Variants in TPCN1 observed in about 807,000 individuals in gnomAD.
TPCN1 encodes two pore channel protein 1.
In TPCN1, 52 loss-of-function variants were observed where a neutral mutation model predicts 108.8. The ratio of observed to expected loss-of-function variants is 0.48; its 90% CI spans 0.38 to 0.60. The LOEUF (loss-of-function observed/expected upper bound fraction) is 0.60. Among genes scored for constraint, TPCN1 ranks in the 20% least tolerant of loss-of-function variants. TPCN1 has a pLI of 0.00. For synonymous variants in TPCN1, 446 were observed against 433.7 expected (o/e 1.03, Z -0.35); for missense variants, 806 against 1,072.8 (o/e 0.75, Z 3.47).
rs778335040 is a variant in TPCN1, at chr12:113,273,341, CTCTT to C, written c.842+55_842+58del. On this transcript the variant is annotated intron_variant, in intron 9 of 27. Transcript: ENST00000335509. This position sits in a 1 kb window ranked among gnomAD's most constrained non-coding sequence, Gnocchi z 4.0. ...TGGTCCTCTGCTGCCGCCCTGGGGT[CTCTT>C]TCTCTTTTCTGCCAAGTATATTCCA... 14 of 1,574,706 alleles carry C rather than the reference CTCTT, an allele frequency of 8.9e-6. No individual in the cohort carries two copies. In the South Asian group the frequency reaches 1.3e-4, roughly 15 times the overall value.
chr12:113,223,341 G>T (rs76401993), intron 1 of TPCN1, among the ~76,000 whole-genome samples: 1 of 152,132 alleles, frequency 6.6e-6, no homozygotes, highest in Non-Finnish European at 1.5e-5. Flanking sequence ...AGGTCAGTTG[G>T]GAGGCAAAGT....
At position 113,251,985 on chromosome 12, in the gene TPCN1, C is replaced by T. The variant is rs150978301; in HGVS notation, c.113-8383C>T. The stretch of plus-strand genomic sequence containing the variant: ...ACCTCTTCAGTAGAGATGAGAGGGA[C>T]GAGACCTTTCCAGACCTGGTGAGTT... On this transcript the variant is annotated intron_variant, in intron 2 of 27. Coordinates refer to ENST00000335509, the MANE Select transcript of TPCN1 (RefSeq NM_017901.6). Among the ~76,000 whole-genome samples the T allele has an allele frequency of 3.3e-5, 5 of 152,198 alleles. No homozygotes were observed. In the East Asian group the frequency reaches 7.7e-4, roughly 24 times the overall value.
chr12:113,260,094 G>A (rs555524628), intron 2 of TPCN1, among the ~76,000 whole-genome samples: 1 of 152,228 alleles, frequency 6.6e-6, no homozygotes, highest in South Asian at 2.1e-4. Flanking sequence ...ATGTATTTAT[G>A]TTTTCTTGTT....
intron 2 of TPCN1, among the ~76,000 whole-genome samples, chr12:113,254,938 A>G (rs1191020169): frequency 6.6e-6 from 1 of 152,252 alleles, no homozygotes; most frequent in South Asian, 2.1e-4. Flanking sequence ...TCTAGCTTAC[A>G]TCATACTGAG....
chr12:113,260,202 G>A lies in TPCN1; in HGVS notation c.113-166G>A, dbSNP rs546658220. The A allele has an allele frequency of 2.6e-4, 174 of 670,078 alleles. 2 individuals carry two copies. The African/African-American group carries it at 3.1e-3, about 12-fold the overall frequency. The allele number at this position is 670,078 out of a possible 1,614,324, so 41.5% of individuals were successfully genotyped here. A position where few individuals can be genotyped will look rare whatever the true frequency, so the allele number is the denominator to read the frequency against. ...GAAAGGAAAACATTTGTAACCAGCT[G>A]TGCTAATTCTTGCCATTATCAGTAC... On this transcript the variant is annotated intron_variant, in intron 2 of 27. Coordinates refer to ENST00000335509, the MANE Select transcript of TPCN1 (RefSeq NM_017901.6).
intron 14 of TPCN1, among the ~76,000 whole-genome samples, chr12:113,279,273 G>A (rs1955780524): frequency 7.1e-6 from 1 of 140,242 alleles, no homozygotes; most frequent in South Asian, 2.2e-4. Flanking sequence ...TCTGTAATCT[G>A]CCTTTTCATC....
chr12:113,262,613 A>G (rs1955084119), intron 3 of TPCN1, among the ~76,000 whole-genome samples: 1 of 152,190 alleles, frequency 6.6e-6, no homozygotes, highest in Non-Finnish European at 1.5e-5. Context: ...TCTTATGCAC[A>G]TCACCTTCTC....
At position 113,268,696 on chromosome 12, in the gene TPCN1, G is replaced by A. The variant is rs762922876; in HGVS notation, c.529-46G>A. On this transcript the variant is annotated intron_variant, in intron 5 of 27. Coordinates refer to ENST00000335509, the MANE Select transcript of TPCN1 (RefSeq NM_017901.6). This position sits in a 1 kb window ranked among gnomAD's most constrained non-coding sequence, Gnocchi z 7.3. The stretch of plus-strand genomic sequence containing the variant: ...CCCCGTTCCAGGTATGCAGGATGAC[G>A]GCTGGGCTGCAGGGGCTGACGGTGC... 16 of 1,607,282 alleles carry A rather than the reference G, an allele frequency of 1.0e-5. No homozygotes were observed. The highest frequency in any genetic ancestry group is 2.0e-4 in the Middle Eastern group (1 of 4,890).
intron 2 of TPCN1, among the ~76,000 whole-genome samples, chr12:113,228,220 C>G (rs978506887): frequency 2.6e-4 from 39 of 152,230 alleles, no homozygotes; most frequent in African/African-American, 9.2e-4. Flanking sequence ...AACCCAGCAT[C>G]ATCTGACTCC....
At chr12:113,252,738 G>T (rs79699690) in intron 2 of TPCN1, among the ~76,000 whole-genome samples, 4,940 of 152,276 alleles carry the variant, frequency 0.032, 223 homozygotes, top group East Asian at 0.15. Context: ...GGCTTTTTCT[G>T]CTCAGGAGTC....
chr12:113,235,436 G>A (rs1286938747), intron 2 of TPCN1, among the ~76,000 whole-genome samples: 1 of 149,958 alleles, frequency 6.7e-6, no homozygotes, highest in Non-Finnish European at 1.5e-5. Context: ...TTTTATTGTT[G>A]TTAGCTTTGA....
Position 113,291,702 on chromosome 12 carries a change from C to T in TPCN1, c.2028+25C>T, listed in dbSNP as rs748020656. The T allele has an allele frequency of 7.5e-6, 12 of 1,610,538 alleles. No individual in the cohort carries two copies. The South Asian group carries it at 1.3e-4, about 18-fold the overall frequency. ...GGTAGGTCCCGGACCACAGAACGCTCTTTGTCCTTCGTCTTCCACATCACC... is the reference window on the plus strand; with the variant it reads ...GGTAGGTCCCGGACCACAGAACGCTTTTTGTCCTTCGTCTTCCACATCACC... On this transcript the variant is annotated intron_variant, in intron 24 of 27. Coordinates refer to ENST00000335509, the MANE Select transcript of TPCN1 (RefSeq NM_017901.6).
At chr12:113,233,896 C>T (rs1953789213) in intron 2 of TPCN1, among the ~76,000 whole-genome samples, 1 of 152,194 alleles carries the variant, frequency 6.6e-6, no homozygotes. Context: ...CTAGTGACTC[C>T]AGAACCAGTC....
intron 1 of TPCN1, among the ~76,000 whole-genome samples, chr12:113,222,287 A>G (rs886569355): frequency 7.9e-5 from 12 of 152,240 alleles, no homozygotes; most frequent in African/African-American, 2.7e-4. Flanking sequence ...TCCCTGATTC[A>G]GACTGCCTGG....
At chr12:113,282,965 T>C (rs1955940935) in intron 15 of TPCN1, among the ~76,000 whole-genome samples, 1 of 151,924 alleles carries the variant, frequency 6.6e-6, no homozygotes, top group African/African-American at 2.4e-5. Context: ...TGGTCCCAGC[T>C]ACTTGGGAGG....
intron 4 of TPCN1, among the ~76,000 whole-genome samples, 187 bp from the exon 5 acceptor site, chr12:113,267,656 T>C (rs1005542056): frequency 6.6e-6 from 1 of 152,152 alleles, no homozygotes; most frequent in African/African-American, 2.4e-5. Context: ...AAGTTTATGT[T>C]TAGTTGTTCT....
Position 113,232,543 on chromosome 12 carries a change from C to T in TPCN1, c.112+5579C>T, listed in dbSNP as rs1018684996. Reference sequence around the variant, plus strand: ...TCTGCCTCTGACCAGATGGCCCCAGCATACTTGCCAAAGAGTGAAGAAGCC... The same window carrying T: ...TCTGCCTCTGACCAGATGGCCCCAGTATACTTGCCAAAGAGTGAAGAAGCC... On this transcript the variant is annotated intron_variant, in intron 2 of 27. Coordinates refer to ENST00000335509, the MANE Select transcript of TPCN1 (RefSeq NM_017901.6). The surrounding 1 kb of genome is among the most constrained non-coding windows in gnomAD (Gnocchi z 5.6). 6.6e-6 allele frequency among the ~76,000 whole-genome samples: 1 copy of T among 152,262 alleles called. No homozygotes were observed. Among genetic ancestry groups the T allele is most frequent in the African/African-American group, 2.4e-5 (1 of 41,476 alleles).
intron 2 of TPCN1, among the ~76,000 whole-genome samples, chr12:113,242,836 C>A: frequency 6.6e-6 from 1 of 152,218 alleles, no homozygotes; most frequent in East Asian, 1.9e-4. Flanking sequence ...CTGAGTTCCT[C>A]CCTGCCACTG....
At chr12:113,275,392 T>A (rs1955637395) in intron 10 of TPCN1, among the ~76,000 whole-genome samples, 1 of 147,930 alleles carries the variant, frequency 6.8e-6, no homozygotes, top group Admixed American at 6.8e-5. Flanking sequence ...CACATGCACA[T>A]GCCGCCACAC....
Sources: gnomAD v4.1 joint callset for allele counts (sites outside exome capture counted in the v4.1 genomes callset) on GRCh38, gnomAD v4.1.1 for gene constraint, Gnocchi (gnomAD v3.1) non-coding constraint, MANE v1.5 for transcripts, NCBI Gene and HGNC (gene_info 2026-07-23, HGNC 2026-07-21) for gene names.